Variants in INPP4A observed in about 807,000 individuals in gnomAD.
The protein encoded by INPP4A is inositol polyphosphate-4-phosphatase type I A.
Under a neutral mutation model 119.8 loss-of-function variants are expected in INPP4A, and 33 were observed. That is an observed-to-expected ratio of 0.28 (90% CI 0.21 to 0.37). The LOEUF is 0.37. Ranked by LOEUF, INPP4A falls within the 10% of genes least tolerant of loss-of-function variation. The probability of loss-of-function intolerance (pLI) is 1.00; values close to 1 mark genes in which losing one functional copy is unlikely to be tolerated. For missense variants in INPP4A, 956 were observed against 1,289.9 expected (o/e 0.74, Z 3.97); for synonymous variants, 496 against 500.7 (o/e 0.99, Z 0.12).
intron 4 of INPP4A, among the ~76,000 whole-genome samples, chr2:98,531,939 G>A (rs1366563889): frequency 2.0e-5 from 3 of 152,196 alleles, no homozygotes; most frequent in Non-Finnish European, 4.4e-5. Flanking sequence ...TGCATGAATA[G>A]CAACTATAGA....
At chr2:98,451,353 G>T (rs559072137) in intron 1 of INPP4A, among the ~76,000 whole-genome samples, 1 of 152,190 alleles carries the variant, frequency 6.6e-6, no homozygotes, top group Non-Finnish European at 1.5e-5. Flanking sequence ...GGTGGGGGCA[G>T]TGGGGGGATC....
intron 1 of INPP4A, among the ~76,000 whole-genome samples, chr2:98,479,604 T>A (rs561579357): frequency 6.6e-6 from 1 of 152,248 alleles, no homozygotes; most frequent in African/African-American, 2.4e-5. Flanking sequence ...AGCCCACAGT[T>A]TCTGTGACAC....
chr2:98,586,679 T>C (rs767356631), intron 24 of INPP4A, among the ~76,000 whole-genome samples: 6 of 152,232 alleles, frequency 3.9e-5, no homozygotes, highest in Non-Finnish European at 8.8e-5. Context: ...TGGATTGCCA[T>C]GGCAACCCTC....
intron 1 of INPP4A, among the ~76,000 whole-genome samples, chr2:98,507,234 A>G (rs1428580908): frequency 3.9e-5 from 6 of 152,228 alleles, no homozygotes; most frequent in Non-Finnish European, 7.3e-5. Context: ...CATCCCTCAC[A>G]TTAAAGGAAT....
chr2:98,499,238 G>T (rs1036791699), intron 1 of INPP4A, among the ~76,000 whole-genome samples: 2 of 152,198 alleles, frequency 1.3e-5, no homozygotes, highest in Admixed American at 1.3e-4. Flanking sequence ...TTGTGAGCAC[G>T]GTGATACAGG....
In INPP4A at chr2:98,466,148, C is replaced by T. The variant is rs144524125; in HGVS notation, c.-166+21063C>T. Reference sequence around the variant, plus strand: ...GCAACCTCTGTCTCCTGGATTCAAGCGATTCTCCTGCCTCAGCCTCTTGAG... The same window carrying T: ...GCAACCTCTGTCTCCTGGATTCAAGTGATTCTCCTGCCTCAGCCTCTTGAG... On this transcript the variant is annotated intron_variant, in intron 1 of 24. Transcript: ENST00000409851. Among the ~76,000 whole-genome samples the T allele has an allele frequency of 2.8e-3, 420 of 152,322 alleles. 4 individuals are homozygous for T. The highest frequency in any genetic ancestry group is 9.5e-3 in the African/African-American group (393 of 41,566).
intron 1 of INPP4A, among the ~76,000 whole-genome samples, chr2:98,498,812 A>T (rs1262422120): frequency 6.6e-6 from 1 of 152,250 alleles, no homozygotes; most frequent in Admixed American, 6.5e-5. Context: ...CATGAAAGAG[A>T]TGACAGAGAA....
At chr2:98,520,260 C>CTG in intron 3 of INPP4A, 106 bp downstream of exon 3, 1 of 855,882 alleles carries the variant, frequency 1.2e-6, no homozygotes, top group Non-Finnish European at 1.9e-6. Context: ...CATGACTACC[C>CTG]TAGACTACAG....
At chr2:98,496,564 A>T (rs892816784) in intron 1 of INPP4A, among the ~76,000 whole-genome samples, 2 of 152,218 alleles carry the variant, frequency 1.3e-5, no homozygotes, top group Non-Finnish European at 2.9e-5. Context: ...AGCAAAGGAA[A>T]CAACAAAGTG....
Position 98,591,909 on chromosome 2 carries a change from C to T in INPP4A, c.*4301C>T, listed in dbSNP as rs1406467815. Reference sequence around the variant, plus strand: ...GTATCCTCAGCAGCATTGAGTGTTCCTAATGTTGTAGTAATGAGCAGTAGA... The same window carrying T: ...GTATCCTCAGCAGCATTGAGTGTTCTTAATGTTGTAGTAATGAGCAGTAGA... On this transcript the variant is annotated 3_prime_UTR_variant, in exon 25 of 25. Transcript: ENST00000409851. The T allele has an allele frequency of 1.3e-5, 2 of 152,114 alleles. No individual in the cohort carries two copies. Among genetic ancestry groups the T allele is most frequent in the Non-Finnish European group, 2.9e-5 (2 of 68,042 alleles). 9.4% of individuals were successfully genotyped at this position (152,114 alleles called of 1,614,324 possible).
At chr2:98,452,110 G>T (rs894211332) in intron 1 of INPP4A, among the ~76,000 whole-genome samples, 1 of 152,192 alleles carries the variant, frequency 6.6e-6, no homozygotes, top group African/African-American at 2.4e-5. Context: ...GTGCTTCCTT[G>T]TTCCTGTCCA....
chr2:98,462,753 T>A (rs977220606), intron 1 of INPP4A, among the ~76,000 whole-genome samples: 2 of 152,158 alleles, frequency 1.3e-5, no homozygotes, highest in African/African-American at 4.8e-5. Flanking sequence ...ACTCCTGGGC[T>A]CAAGCAATCC....
Position 98,570,431 on chromosome 2 carries a change from G to A in INPP4A, c.2518+1763G>A, listed in dbSNP as rs1201125462. On this transcript the variant is annotated intron_variant, in intron 22 of 24. Coordinates refer to ENST00000409851, the MANE Select transcript of INPP4A (RefSeq NM_001134225.2). This position sits in a 1 kb window ranked among gnomAD's most constrained non-coding sequence, Gnocchi z 4.3. ...TGTGGGGCGCTGCCGGACACTGGATGTGTGGACAAGGAGCTGCTGGTGATC... is the reference window on the plus strand; with the variant it reads ...TGTGGGGCGCTGCCGGACACTGGATATGTGGACAAGGAGCTGCTGGTGATC... Among the ~76,000 whole-genome samples the A allele has an allele frequency of 6.6e-6, 1 of 152,182 alleles. No homozygotes were observed. Among genetic ancestry groups the A allele is most frequent in the Non-Finnish European group, 1.5e-5 (1 of 68,016 alleles).
chr2:98,510,669 C>T (rs1013725686), intron 1 of INPP4A, among the ~76,000 whole-genome samples: 1 of 152,186 alleles, frequency 6.6e-6, no homozygotes, highest in Non-Finnish European at 1.5e-5. Flanking sequence ...AATCACCTCC[C>T]AAAGGCCCCG....
At chr2:98,516,706 A>G (rs1686189635) in intron 1 of INPP4A, among the ~76,000 whole-genome samples, 1 of 152,174 alleles carries the variant, frequency 6.6e-6, no homozygotes, top group African/African-American at 2.4e-5. Flanking sequence ...AGCTGAAGTC[A>G]TGCCTGGGGT....
chr2:98,555,803 C>T lies in INPP4A; in HGVS notation c.1817C>T (p.Thr606Ile), dbSNP rs1575067251. The change falls in exon 16 of 25, where the codon ACC becomes ATC. Residue 606 changes from threonine (T) to isoleucine (I), a missense_variant. Thr to Ile is a moderately conservative substitution (Grantham distance 89). Transcript: ENST00000409851. ...TCCACTGCATGCCATCCTCATCTGA[C>T]CACACGTGCGTATGCATCCATGCTT... Reference protein sequence around the residue: ...MPSTACHPHLTTHCSPPPEES... With the variant: ...MPSTACHPHLITHCSPPPEES... 6.4e-7 allele frequency: 1 copy of T among 1,556,816 alleles called. No homozygotes were observed.
intron 13 of INPP4A, chr2:98,548,946 C>G (rs1186510183): frequency 6.2e-7 from 1 of 1,608,570 alleles, no homozygotes; most frequent in South Asian, 1.1e-5. Context: ...TGGTTCTTTT[C>G]TTTAGCAGTT....
chr2:98,541,225 G>A (rs549212953), intron 10 of INPP4A, among the ~76,000 whole-genome samples: 1 of 152,112 alleles, frequency 6.6e-6, no homozygotes, highest in East Asian at 1.9e-4. Flanking sequence ...TACTCGGGAG[G>A]CAGAGGCAGG....
rs1448777180 is a variant in INPP4A, at chr2:98,538,063, C to T, written c.579+89C>T. 2.1e-5 allele frequency: 18 copies of T among 859,222 alleles called. No individual in the cohort carries two copies. The South Asian group carries it at 2.8e-4, about 13-fold the overall frequency. The allele number at this position is 859,222 out of a possible 1,614,324, so 53.2% of individuals were successfully genotyped here. A position where few individuals can be genotyped will look rare whatever the true frequency, so the allele number is the denominator to read the frequency against. ...AGCCCTCGTGGACTTAGCCTCTGTG[C>T]TCAGCAAAGGGCAGGGCCTGCTGCT... is the stretch of plus-strand genomic sequence containing the variant. On this transcript the variant is annotated intron_variant, in intron 8 of 24. Coordinates refer to ENST00000409851, the MANE Select transcript of INPP4A (RefSeq NM_001134225.2).
Sources: allele counts gnomAD v4.1 joint callset (sites outside exome capture counted in the v4.1 genomes callset), GRCh38; gene constraint gnomAD v4.1.1; non-coding constraint Gnocchi (gnomAD v3.1); transcripts MANE v1.5; gene names NCBI Gene and HGNC (gene_info 2026-07-23, HGNC 2026-07-21).